The following METTL18 variants were observed in gnomAD, a reference collection of about 807,000 sequenced individuals.
METTL18 encodes methyltransferase 18, RPL3 N3(tau)-histidine, also known as histidine protein methyltransferase 1 homolog.
Under a neutral mutation model 19.6 loss-of-function variants are expected in METTL18, and 15 were observed. The observed-to-expected ratio is 0.77, with a 90% confidence interval of 0.51 to 1.18. METTL18 has a LOEUF of 1.18. METTL18 is among the 50% of genes most tolerant of loss of function. METTL18 has a pLI of 0.00. For synonymous variants in METTL18, 131 were observed against 145.2 expected (o/e 0.90, Z 0.70); for missense variants, 392 against 418.8 (o/e 0.94, Z 0.56).
rs777888667 is a variant in METTL18, at chr1:169,792,831, G to C, written c.865C>G (p.Leu289Val). Residue 289 changes from leucine (L) to valine (V), a missense_variant, in exon 2 of 2, where the codon CTC (leucine) becomes GTC (valine). Leu to Val is a conservative substitution (Grantham distance 32, BLOSUM62 1). Transcript: ENST00000310392. ...SSEKLFVKYD[L>V]ILTSETIYNP... ...TAAATGGTTTCTGAGGTGAGAATGA[G>C]ATCATATTTTACAAAAAGTTTTTCA... 2 of 1,613,844 alleles carry C rather than the reference G, an allele frequency of 1.2e-6. No individual in the cohort carries two copies.
chr1:169,793,284 T>TCAA lies in METTL18; in HGVS notation c.409_411dup (p.Leu137dup). ...ATGTTTTCTCCAGGGAAGTTCTCTT[T>TCAA]CAACAAGATGGTTTTCACTACTGAT... On this transcript the variant is annotated inframe_insertion, in exon 2 of 2. Transcript: ENST00000310392. The TCAA allele has an allele frequency of 6.2e-7, 1 of 1,614,074 alleles. No individual in the cohort carries two copies. Among genetic ancestry groups the TCAA allele is most frequent in the South Asian group, 1.1e-5 (1 of 91,066 alleles).
At position 169,792,789 on chromosome 1, in the gene METTL18, T is replaced by C. The variant is rs1249336168; in HGVS notation, c.907A>G (p.Ser303Gly). Residue 303 changes from serine (S) to glycine (G), a missense_variant, in exon 2 of 2, where the codon AGT (serine) becomes GGT (glycine). By Grantham distance (56) the Ser-to-Gly change is moderately conservative. Transcript: ENST00000310392. The stretch of plus-strand genomic sequence containing the variant: ...CTAAGGAAAGTCTGGTGCAAATTAC[T>C]ATAATAATCTGGGTTGTAAATGGTT... ...SETIYNPDYY[S>G]NLHQTFLRLL... The C allele has an allele frequency of 6.2e-7, 1 of 1,612,728 alleles. No homozygotes were observed. The highest frequency in any genetic ancestry group is 8.5e-7 in the Non-Finnish European group (1 of 1,179,704).
Position 169,792,759 on chromosome 1 carries a change from A to G in METTL18, c.937T>C (p.Leu313=), listed in dbSNP as rs940797261. ...SNLHQTFLRL[L]SKNGRVLLAS... ...AAAAGTACACGTCCATTTTTACTTA[A>G]CAGTCTAAGGAAAGTCTGGTGCAAA... The change falls in exon 2 of 2, where the codon TTA becomes CTA. Residue 313 remains leucine (L), a synonymous_variant. Transcript: ENST00000310392. 1 of 1,613,640 alleles carries G rather than the reference A, an allele frequency of 6.2e-7. No individual in the cohort carries two copies. The highest frequency in any genetic ancestry group is 1.7e-5 in the Admixed American group (1 of 59,960).
At chr1:169,794,210 T>A (rs555750722) in intron 1 of METTL18, among the ~76,000 whole-genome samples, 35 of 152,342 alleles carry the variant, frequency 2.3e-4, no homozygotes, top group African/African-American at 8.4e-4. Flanking sequence ...CTACTTGCTG[T>A]CTTTCAGCTG....
At position 169,794,867 on chromosome 1, in the gene METTL18, C is replaced by A; in HGVS notation, c.-255G>T. On this transcript the variant is annotated 5_prime_UTR_variant, in exon 1 of 2. Transcript: ENST00000310392. ...CTGGGATCGCGCTTCTGAAAAAGCT[C>A]ACCTCACAACGCCTCCTCCGGACCT... 1 of 517,484 alleles carries A rather than the reference C, an allele frequency of 1.9e-6. No homozygotes were observed. The highest frequency in any genetic ancestry group is 3.5e-6 in the Non-Finnish European group (1 of 286,474). 32.1% of individuals were successfully genotyped at this position (517,484 alleles called of 1,614,324 possible). A position where few individuals can be genotyped will look rare whatever the true frequency, so the allele number is the denominator to read the frequency against.
chr1:169,793,903 A>AAT lies in METTL18; in HGVS notation c.-202-7_-202-6insAT. 3.6e-5 allele frequency: 15 copies of AAT among 422,196 alleles called. No individual in the cohort carries two copies. The highest frequency in any genetic ancestry group is 7.3e-5 in the East Asian group (2 of 27,494). The allele number at this position is 422,196 out of a possible 1,614,324, so 26.2% of individuals were successfully genotyped here. On this transcript the variant is annotated splice_region_variant and splice_polypyrimidine_tract_variant and intron_variant, in intron 1 of 1. Coordinates refer to ENST00000310392, the MANE Select transcript of METTL18 (RefSeq NM_033418.4). ...GGTCCTCTTTCCAAGCAGCTCTGGA[A>AAT]AGAAAAAAAAAAAAAAAAGAAAGAA...
chr1:169,794,479 A>C (rs757362891), intron 1 of METTL18, among the ~76,000 whole-genome samples: 1 of 152,182 alleles, frequency 6.6e-6, no homozygotes, highest in Non-Finnish European at 1.5e-5. Flanking sequence ...GAGCAAACGC[A>C]AACTAGGGCA....
In METTL18 at chr1:169,793,067, G is replaced by GA. The variant is rs1650191654; in HGVS notation, c.628dup (p.Ser210PhefsTer10). ...ATAATCTTGAAAGTGAATTTCTTTG[G>GA]ACCCTCCCTTGAATGCAGTTATACC... On this transcript the variant is annotated frameshift_variant, in exon 2 of 2. Coordinates refer to ENST00000310392, the MANE Select transcript of METTL18 (RefSeq NM_033418.4). LOFTEE classifies it high-confidence loss of function. 3.7e-6 allele frequency: 6 copies of GA among 1,613,940 alleles called. No individual in the cohort carries two copies. The highest frequency in any genetic ancestry group is 1.6e-4 in the Middle Eastern group (1 of 6,062).
rs139579144 is a variant in METTL18 at position 169,792,756 on chromosome 1, T to G, written c.940A>C (p.Ser314Arg). Residue 314 changes from serine to arginine, a missense_variant, in exon 2 of 2, where the codon AGT becomes CGT. Coordinates refer to ENST00000310392, the MANE Select transcript of METTL18 (RefSeq NM_033418.4). ...GCCAAAAGTACACGTCCATTTTTAC[T>G]TAACAGTCTAAGGAAAGTCTGGTGC... ...NLHQTFLRLL[S>R]KNGRVLLASK... is the part of the protein sequence containing the mutation. The G allele has an allele frequency of 1.4e-4, 230 of 1,613,802 alleles. 2 individuals are homozygous for G. In the Middle Eastern group the frequency reaches 3.6e-3, roughly 26 times the overall value.
At position 169,793,229 on chromosome 1, in the gene METTL18, T is replaced by C. The variant is rs1364836872; in HGVS notation, c.467A>G (p.Asp156Gly). The change falls in exon 2 of 2, where the codon GAT (aspartate) becomes GGT (glycine). Residue 156 changes from aspartate (D) to glycine (G), a missense_variant. Physicochemically the swap from Asp to Gly is moderately conservative, Grantham distance 94. Coordinates refer to ENST00000310392, the MANE Select transcript of METTL18 (RefSeq NM_033418.4). ...TCCCTCATAAACACCTGTAATCAGA[T>C]CAGAGTGAGAAGAAAAGCTTTTTGA... ...IVSKSFSSHS[D>G]LITGVYEGGL... 6.2e-7 allele frequency: 1 copy of C among 1,614,204 alleles called. No homozygotes were observed. The highest frequency in any genetic ancestry group is 2.2e-5 in the East Asian group (1 of 44,872).
In METTL18 at chr1:169,793,658, A is replaced by C; in HGVS notation, c.38T>G (p.Leu13Arg). The C allele has an allele frequency of 6.2e-7, 1 of 1,612,294 alleles. No homozygotes were observed. The highest frequency in any genetic ancestry group is 8.5e-7 in the Non-Finnish European group (1 of 1,179,366). ...FQFNFTIEDH[L>R]ENELTPIRDG... ...TCTAATGGGTGTTAATTCATTTTCCAGATGGTCTTCTATAGTGAAATTAAA... is the reference window on the plus strand; with the variant it reads ...TCTAATGGGTGTTAATTCATTTTCCCGATGGTCTTCTATAGTGAAATTAAA... The change falls in exon 2 of 2, where the codon CTG (leucine) becomes CGG (arginine). Residue 13 changes from leucine (L) to arginine (R), a missense_variant. Coordinates refer to ENST00000310392, the MANE Select transcript of METTL18 (RefSeq NM_033418.4).
intron 1 of METTL18, among the ~76,000 whole-genome samples, chr1:169,794,353 G>C (rs1650327453): frequency 6.6e-6 from 1 of 152,160 alleles, no homozygotes; most frequent in African/African-American, 2.4e-5. Context: ...GGTATGGCCT[G>C]GTGTGTGTAA....
chr1:169,793,862 C>A lies in METTL18; in HGVS notation c.-167G>T. ...AATATTTAGAGATATTTCCAAATGA[C>A]TTTTTAGACGTCTTTGGTCCTCTTT... On this transcript the variant is annotated 5_prime_UTR_variant, in exon 2 of 2. Coordinates refer to ENST00000310392, the MANE Select transcript of METTL18 (RefSeq NM_033418.4). 5 of 478,470 alleles carry A rather than the reference C, an allele frequency of 1.0e-5. No individual in the cohort carries two copies. The highest frequency in any genetic ancestry group is 1.8e-5 in the Non-Finnish European group (5 of 281,192). The allele number at this position is 478,470 out of a possible 1,614,324, so 29.6% of individuals were successfully genotyped here. A position where few individuals can be genotyped will look rare whatever the true frequency, so the allele number is the denominator to read the frequency against.
chr1:169,793,997 C>A, intron 1 of METTL18, 100 bp from the exon 2 acceptor site: 1 of 245,408 alleles, frequency 4.1e-6, no homozygotes, highest in East Asian at 8.5e-5. Context: ...CCACCCCTCC[C>A]TGTCCCACCA....
chr1:169,793,575 C>G lies in METTL18; in HGVS notation c.121G>C (p.Gly41Arg), dbSNP rs1411373163. The change falls in exon 2 of 2, where the codon GGA (glycine) becomes CGA (arginine). Residue 41 changes from glycine to arginine, a missense_variant. Transcript: ENST00000310392. ...KELSVSESQKGEERDRKCSAE... is the reference protein window; with the variant it reads ...KELSVSESQKREERDRKCSAE... ...GAACATTTTCTGTCCCTCTCTTCTC[C>G]TTTTTGACTTTCTGAGACTGACAGC... 4.3e-6 allele frequency: 7 copies of G among 1,614,078 alleles called. No individual in the cohort carries two copies. The Admixed American group carries it at 8.3e-5, about 19-fold the overall frequency.
Position 169,792,537 on chromosome 1 carries a change from C to A in METTL18, c.*40G>T. The A allele has an allele frequency of 6.9e-7, 1 of 1,439,748 alleles. No individual in the cohort carries two copies. The highest frequency in any genetic ancestry group is 9.2e-7 in the Non-Finnish European group (1 of 1,088,530). The allele number at this position is 1,439,748 out of a possible 1,614,324, so 89.2% of individuals were successfully genotyped here. A position where few individuals can be genotyped will look rare whatever the true frequency, so the allele number is the denominator to read the frequency against. On this transcript the variant is annotated 3_prime_UTR_variant, in exon 2 of 2. Transcript: ENST00000310392. ...GAAATCAAACACTCAAATTTTTGGTCCTTCTGTTTATTTCATTTTGGATAC... is the reference window on the plus strand; with the variant it reads ...GAAATCAAACACTCAAATTTTTGGTACTTCTGTTTATTTCATTTTGGATAC...
Position 169,794,873 on chromosome 1 carries a change from A to C in METTL18, c.-261T>G, listed in dbSNP as rs1650400485. ...TCGCGCTTCTGAAAAAGCTCACCTC[A>C]CAACGCCTCCTCCGGACCTAAATCG... On this transcript the variant is annotated 5_prime_UTR_variant, in exon 1 of 2. Transcript: ENST00000310392. 3.7e-6 allele frequency: 2 copies of C among 537,082 alleles called. No homozygotes were observed. The highest frequency in any genetic ancestry group is 6.7e-6 in the Non-Finnish European group (2 of 298,368). The allele number at this position is 537,082 out of a possible 1,614,324, so 33.3% of individuals were successfully genotyped here.
chr1:169,793,998 T>C (rs10919245), intron 1 of METTL18, 101 bp from the exon 2 acceptor site: 155,550 of 219,084 alleles, frequency 0.71, 54,714 homozygotes, highest in Middle Eastern at 0.84. Flanking sequence ...CACCCCTCCC[T>C]GTCCCACCAT....
chr1:169,792,812 G>A lies in METTL18; in HGVS notation c.884C>T (p.Thr295Ile). 6.2e-7 allele frequency: 1 copy of A among 1,613,558 alleles called. No individual in the cohort carries two copies. The highest frequency in any genetic ancestry group is 2.2e-5 in the East Asian group (1 of 44,860). The change falls in exon 2 of 2, where the codon ACC becomes ATC. Residue 295 changes from threonine (T) to isoleucine (I), a missense_variant. By Grantham distance (89) the Thr-to-Ile change is moderately conservative (BLOSUM62 -1). Coordinates refer to ENST00000310392, the MANE Select transcript of METTL18 (RefSeq NM_033418.4). Reference protein sequence around the residue: ...VKYDLILTSETIYNPDYYSNL... With the variant: ...VKYDLILTSEIIYNPDYYSNL... ...ACTATAATAATCTGGGTTGTAAATG[G>A]TTTCTGAGGTGAGAATGAGATCATA...
Sources: gnomAD v4.1 joint callset for allele counts (sites outside exome capture counted in the v4.1 genomes callset) on GRCh38, gnomAD v4.1.1 for gene constraint, MANE v1.5 for transcripts, NCBI Gene and HGNC (gene_info 2026-07-23, HGNC 2026-07-21) for gene names.